The following PVT1 variants were observed in gnomAD, a reference collection of about 807,000 sequenced individuals.
PVT1 encodes the protein CXCR4/PVT1 fusion.
intron 2 of PVT1, among the ~76,000 whole-genome samples, chr8:127,847,762 G>A (rs1012670961): frequency 2.0e-5 from 3 of 152,206 alleles, no homozygotes; most frequent in Admixed American, 6.5e-5. Context: ...AAGCATGGGT[G>A]TAGAGGGGAT....
At chr8:127,902,472 T>C (rs1815770954) in intron 3 of PVT1, among the ~76,000 whole-genome samples, 1 of 151,692 alleles carries the variant, frequency 6.6e-6, no homozygotes, top group Non-Finnish European at 1.5e-5. Flanking sequence ...GAGATGCATA[T>C]GCAGGTTTGT....
chr8:127,931,988 G>T (rs1816211387), intron 3 of PVT1, among the ~76,000 whole-genome samples: 1 of 152,196 alleles, frequency 6.6e-6, no homozygotes, highest in Non-Finnish European at 1.5e-5. Flanking sequence ...AACTTCACAG[G>T]GCCTCTTTGC....
intron 5 of PVT1, among the ~76,000 whole-genome samples, chr8:128,086,337 A>C (rs1245207146): frequency 2.6e-5 from 4 of 152,162 alleles, no homozygotes; most frequent in Non-Finnish European, 5.9e-5. Context: ...GCTTCCTAGC[A>C]GGCTTGACGT....
intron 3 of PVT1, among the ~76,000 whole-genome samples, chr8:127,907,849 G>T (rs567725615): frequency 6.6e-6 from 1 of 152,212 alleles, no homozygotes; most frequent in East Asian, 1.9e-4. Flanking sequence ...TTGGGTTGGG[G>T]ATTGGGATGG....
chr8:127,816,434 C>T (rs4733778), intron 2 of PVT1, among the ~76,000 whole-genome samples: 65,859 of 150,738 alleles, frequency 0.44, 14,818 homozygotes, highest in African/African-American at 0.53. Flanking sequence ...AGGCGTGAGC[C>T]GCTATGCCAG....
intron 4 of PVT1, among the ~76,000 whole-genome samples, chr8:128,004,349 G>T (rs1452913836): frequency 6.6e-6 from 1 of 152,122 alleles, no homozygotes; most frequent in African/African-American, 2.4e-5. Flanking sequence ...GGGTTTATTG[G>T]GTGGGGGAGA....
At chr8:127,843,810 T>G (rs1310196443) in intron 2 of PVT1, among the ~76,000 whole-genome samples, 1 of 151,792 alleles carries the variant, frequency 6.6e-6, no homozygotes. Context: ...AGATGTGATG[T>G]GTTCACAGGG....
intron 4 of PVT1, among the ~76,000 whole-genome samples, chr8:127,989,535 A>G (rs1563658921): frequency 6.6e-6 from 1 of 152,172 alleles, no homozygotes; most frequent in South Asian, 2.1e-4. Flanking sequence ...GGAGCCCACC[A>G]TCTCCTAGTG....
rs530438258 is a variant in PVT1, at chr8:127,966,149, T to C, written n.783-23013T>C. Among the ~76,000 whole-genome samples the C allele has an allele frequency of 4.6e-5, 7 of 152,326 alleles. No individual in the cohort carries two copies. The South Asian group carries it at 1.4e-3, about 32-fold the overall frequency. On this transcript the variant is annotated intron_variant and non_coding_transcript_variant, in intron 3 of 10. Coordinates refer to ENST00000651587, the Ensembl canonical transcript of PVT1. ...TGGTTTCATAACAAAACAAGAATGA[T>C]AATAACAGCGTCTAAGAGAATGCAA...
chr8:128,056,722 TGGGCCCCACCCCA>T (rs1258932101), intron 4 of PVT1, among the ~76,000 whole-genome samples: 1 of 152,160 alleles, frequency 6.6e-6, no homozygotes, highest in Non-Finnish European at 1.5e-5. Flanking sequence ...TGCAGAATCC[TGGGCCCCACCCCA>T]GGCCTGCTGA....
intron 3 of PVT1, among the ~76,000 whole-genome samples, chr8:127,988,354 ACT>A (rs1816993410): frequency 1.3e-5 from 2 of 152,206 alleles, no homozygotes; most frequent in Non-Finnish European, 2.9e-5. Context: ...AGGGCACCGT[ACT>A]GTAAATGTAT....
intron 2 of PVT1, among the ~76,000 whole-genome samples, chr8:127,811,984 G>A (rs1236308393): frequency 1.3e-5 from 2 of 152,046 alleles, no homozygotes; most frequent in Non-Finnish European, 2.9e-5. Context: ...GCTCGTGCCT[G>A]TAATCCCAGC....
rs1170298529 is a variant in PVT1 at position 127,984,873 on chromosome 8, CTTTCTTTCTT to C, written n.783-4287_783-4278del. Among the ~76,000 whole-genome samples, 229 of 83,158 alleles carry C rather than the reference CTTTCTTTCTT, an allele frequency of 2.8e-3. 6 individuals are homozygous for C. Among genetic ancestry groups the C allele is most frequent in the South Asian group, 6.0e-3 (11 of 1,824 alleles). 54.6% of individuals were successfully genotyped at this position (83,158 alleles called of 152,430 possible). A position where few individuals can be genotyped will look rare whatever the true frequency, so the allele number is the denominator to read the frequency against. ...TCTTTCTTTCTTTCTTTCTTTCTTTCTTTCTTTCTTTCTTTCTTTCTTTCTTTCTTTCTTT... is the reference window on the plus strand; with the variant it reads ...TCTTTCTTTCTTTCTTTCTTTCTTTCTCTTTCTTTCTTTCTTTCTTTCTTT... On this transcript the variant is annotated intron_variant and non_coding_transcript_variant, in intron 3 of 10. Coordinates refer to ENST00000651587, the Ensembl canonical transcript of PVT1.
At chr8:127,945,778 T>C (rs1036324565) in intron 3 of PVT1, among the ~76,000 whole-genome samples, 1 of 152,204 alleles carries the variant, frequency 6.6e-6, no homozygotes, top group African/African-American at 2.4e-5. Context: ...ATCCCACTGT[T>C]GTTCCCATTC....
chr8:127,860,122 C>T (rs1234348114), intron 2 of PVT1, among the ~76,000 whole-genome samples: 1 of 152,174 alleles, frequency 6.6e-6, no homozygotes, highest in Non-Finnish European at 1.5e-5. Flanking sequence ...AGGGCCACTT[C>T]CTAGAACCAT....
At chr8:127,992,577 A>G (rs1175803892) in intron 4 of PVT1, among the ~76,000 whole-genome samples, 2 of 152,084 alleles carry the variant, frequency 1.3e-5, no homozygotes, top group African/African-American at 4.8e-5. Context: ...ACCAGAAGCC[A>G]CTTGGTCTGG....
At chr8:127,909,871 C>T (rs1249215998) in intron 3 of PVT1, among the ~76,000 whole-genome samples, 1 of 151,538 alleles carries the variant, frequency 6.6e-6, no homozygotes, top group African/African-American at 2.4e-5. Flanking sequence ...AAATGTTTGG[C>T]CAAAGGATTT....
intron 5 of PVT1, among the ~76,000 whole-genome samples, chr8:128,092,010 C>T (rs1814361406): frequency 6.6e-6 from 1 of 152,152 alleles, no homozygotes; most frequent in South Asian, 2.1e-4. Flanking sequence ...AGGTCAACAA[C>T]CGGACTGAGC....
chr8:128,043,758 T>C (rs1302885667), intron 4 of PVT1, among the ~76,000 whole-genome samples: 1 of 140,150 alleles, frequency 7.1e-6, no homozygotes, highest in Non-Finnish European at 1.5e-5. Context: ...AGTATTATTT[T>C]CCCAAACTAT....
Sources: allele counts gnomAD v4.1 joint callset (sites outside exome capture counted in the v4.1 genomes callset), GRCh38; gene constraint gnomAD v4.1.1; transcripts MANE v1.5; gene names NCBI Gene and HGNC (gene_info 2026-07-23, HGNC 2026-07-21).